ALDH1B1: variants seen among roughly 807,000 people sequenced by gnomAD.
The protein encoded by ALDH1B1 is aldehyde dehydrogenase 1 family member B1.
ALDH1B1 carries 19 observed loss-of-function variants against 26.2 expected under a neutral mutation model. That is an observed-to-expected ratio of 0.72 (90% CI 0.51 to 1.06). The LOEUF (loss-of-function observed/expected upper bound fraction) is 1.06. ALDH1B1 is among the 50% of genes least tolerant of loss of function. The pLI is 0.00. For synonymous variants in ALDH1B1, 249 were observed against 286.0 expected (o/e 0.87, Z 1.31); for missense variants, 671 against 683.1 (o/e 0.98, Z 0.20).
chr9:38,393,959 C>T (rs1488125720), intron 1 of ALDH1B1, among the ~76,000 whole-genome samples: 4 of 152,176 alleles, frequency 2.6e-5, no homozygotes, highest in African/African-American at 9.7e-5. Context: ...ATTACAGACA[C>T]CCTTTCCCCT....
rs778675464 is a variant in ALDH1B1 at position 38,396,718 on chromosome 9, C to T, written c.970C>T (p.Arg324Trp). Reference protein sequence around the residue: ...NMGQCCCAGSRTFVEESIYNE... With the variant: ...NMGQCCCAGSWTFVEESIYNE... ...GGGCCAGTGCTGCTGTGCTGGCTCC[C>T]GGACCTTCGTGGAAGAATCCATCTA... The change falls in exon 2 of 2, where the codon CGG becomes TGG. Residue 324 changes from arginine (R) to tryptophan (W), a missense_variant. Physicochemically the swap from Arg to Trp is moderately radical, Grantham distance 101 (BLOSUM62 -3). Transcript: ENST00000377698. 3.5e-5 allele frequency: 56 copies of T among 1,614,054 alleles called. No individual in the cohort carries two copies. The South Asian group carries it at 3.6e-4, about 10-fold the overall frequency.
Position 38,396,776 on chromosome 9 carries a change from C to T in ALDH1B1, c.1028C>T (p.Ala343Val). 1 of 1,614,182 alleles carries T rather than the reference C, an allele frequency of 6.2e-7. No individual in the cohort carries two copies. The highest frequency in any genetic ancestry group is 1.6e-4 in the Middle Eastern group (1 of 6,062). The change falls in exon 2 of 2, where the codon GCA becomes GTA. Residue 343 changes from alanine to valine, a missense_variant. By Grantham distance (64) the Ala-to-Val change is moderately conservative. Transcript: ENST00000377698. Reference sequence around the variant, plus strand: ...TTTCTCGAGAGAACCGTGGAGAAAGCAAAGCAGAGGAAAGTGGGGAACCCC... The same window carrying T: ...TTTCTCGAGAGAACCGTGGAGAAAGTAAAGCAGAGGAAAGTGGGGAACCCC... Reference protein sequence around the residue: ...NEFLERTVEKAKQRKVGNPFE... With the variant: ...NEFLERTVEKVKQRKVGNPFE...
rs759608147 is a variant in ALDH1B1 at position 38,396,425 on chromosome 9, A to G, written c.677A>G (p.Lys226Arg). 6.2e-7 allele frequency: 1 copy of G among 1,614,136 alleles called. No homozygotes were observed. Among genetic ancestry groups the G allele is most frequent in the East Asian group, 2.2e-5 (1 of 44,874 alleles). The change falls in exon 2 of 2, where the codon AAG (lysine) becomes AGG (arginine). Residue 226 changes from lysine to arginine, a missense_variant. Physicochemically the swap from Lys to Arg is conservative, Grantham distance 26 (BLOSUM62 2). Coordinates refer to ENST00000377698, the MANE Select transcript of ALDH1B1 (RefSeq NM_000692.5). ...LSALYLASLI[K>R]EAGFPPGVVN... ...GCCCTGTATTTGGCCTCCCTCATCAAGGAGGCAGGCTTTCCCCCTGGGGTG... is the reference window on the plus strand; with the variant it reads ...GCCCTGTATTTGGCCTCCCTCATCAGGGAGGCAGGCTTTCCCCCTGGGGTG...
rs150776963 is a variant in ALDH1B1 at position 38,396,531 on chromosome 9, C to T, written c.783C>T (p.Thr261=). The T allele has an allele frequency of 2.6e-4, 418 of 1,613,858 alleles. 2 individuals are homozygous for T. The African/African-American group carries it at 4.1e-3, about 16-fold the overall frequency. The change falls in exon 2 of 2, where the codon ACC becomes ACT. Residue 261 remains threonine (T), a synonymous_variant. Transcript: ENST00000377698. The stretch of plus-strand genomic sequence containing the variant: ...TGGATGTTGACAAAGTTGCCTTCAC[C>T]GGTTCCACCGAGGTGGGCCACCTGA... ...QHVDVDKVAF[T]GSTEVGHLIQ...
In ALDH1B1 at chr9:38,396,131, G is replaced by A; in HGVS notation, c.383G>A (p.Gly128Glu). Reference protein sequence around the residue: ...YLASLETLDNGKPFQESYALD... With the variant: ...YLASLETLDNEKPFQESYALD... The stretch of plus-strand genomic sequence containing the variant: ...GCCTCACTCGAGACCTTGGACAATG[G>A]GAAGCCTTTCCAAGAGTCTTACGCC... The change falls in exon 2 of 2, where the codon GGG (glycine) becomes GAG (glutamate). Residue 128 changes from glycine (G) to glutamate (E), a missense_variant. Gly to Glu is a moderately conservative substitution (Grantham distance 98). Transcript: ENST00000377698. The A allele has an allele frequency of 1.9e-6, 3 of 1,614,228 alleles. No homozygotes were observed. Among genetic ancestry groups the A allele is most frequent in the Middle Eastern group, 3.3e-4 (2 of 6,062 alleles).
chr9:38,395,812 G>A lies in ALDH1B1; in HGVS notation c.64G>A (p.Ala22Thr). The A allele has an allele frequency of 6.2e-7, 1 of 1,612,652 alleles. No homozygotes were observed. Among genetic ancestry groups the A allele is most frequent in the South Asian group, 1.1e-5 (1 of 91,044 alleles). Residue 22 changes from alanine (A) to threonine (T), a missense_variant, in exon 2 of 2, where the codon GCA becomes ACA. Physicochemically the swap from Ala to Thr is moderately conservative, Grantham distance 58 (BLOSUM62 0). Coordinates refer to ENST00000377698, the MANE Select transcript of ALDH1B1 (RefSeq NM_000692.5). ...GGGCAGGACCGCCCGCTACTCCTCGGCAGCAGCCCTCCCAAGCCCCATTCT... is the reference window on the plus strand; with the variant it reads ...GGGCAGGACCGCCCGCTACTCCTCGACAGCAGCCCTCCCAAGCCCCATTCT... ...LQGRTARYSS[A>T]AALPSPILNP...
At chr9:38,392,866 TG>T (rs1397222426) in intron 1 of ALDH1B1, 59 bp downstream of exon 1, 1 of 985,944 alleles carries the variant, frequency 1.0e-6, no homozygotes, top group African/African-American at 1.7e-5. Context: ...TGGCTCCGCG[TG>T]GGGGCTTTCC....
chr9:38,396,930 T>A lies in ALDH1B1; in HGVS notation c.1182T>A (p.Arg394=), dbSNP rs747383945. The A allele has an allele frequency of 1.2e-6, 2 of 1,614,066 alleles. No homozygotes were observed. Among genetic ancestry groups the A allele is most frequent in the Non-Finnish European group, 1.7e-6 (2 of 1,180,004 alleles). Residue 394 remains arginine (R), a synonymous_variant, in exon 2 of 2, where the codon CGT becomes CGA. Transcript: ENST00000377698. The part of the protein sequence containing the change: ...LLCGGERFGE[R]GFFIKPTVFG... The stretch of plus-strand genomic sequence containing the variant: ...GTGGCGGAGAGCGTTTCGGGGAGCG[T>A]GGTTTCTTCATCAAGCCTACTGTCT...
In ALDH1B1 at chr9:38,397,514, A is replaced by G. The variant is rs1298185049; in HGVS notation, c.*212A>G. 4.5e-6 allele frequency: 3 copies of G among 669,958 alleles called. No homozygotes were observed. In the East Asian group the frequency reaches 9.0e-5, roughly 20 times the overall value. The allele number at this position is 669,958 out of a possible 1,614,324, so 41.5% of individuals were successfully genotyped here. ...CAGAGTTCTACCTATCTAACCCCCA[A>G]CCACAGCCCCCTTGGTGGCCCATGA... On this transcript the variant is annotated 3_prime_UTR_variant, in exon 2 of 2. Transcript: ENST00000377698.
At chr9:38,394,312 C>T (rs548799151) in intron 1 of ALDH1B1, among the ~76,000 whole-genome samples, 28 of 152,028 alleles carry the variant, frequency 1.8e-4, no homozygotes, top group Admixed American at 1.2e-3. Context: ...TTTTTAGATA[C>T]AGTCTTGTTC....
At position 38,396,807 on chromosome 9, in the gene ALDH1B1, G is replaced by T. The variant is rs1442290916; in HGVS notation, c.1059G>T (p.Glu353Asp). ...AKQRKVGNPF[E>D]LDTQQGPQVD... is the part of the protein sequence containing the mutation. ...AGAGGAAAGTGGGGAACCCCTTTGA[G>T]CTGGACACCCAGCAGGGGCCTCAGG... Residue 353 changes from glutamate (E) to aspartate (D), a missense_variant, in exon 2 of 2, where the codon GAG becomes GAT. Coordinates refer to ENST00000377698, the MANE Select transcript of ALDH1B1 (RefSeq NM_000692.5). The T allele has an allele frequency of 1.4e-5, 23 of 1,614,104 alleles. No homozygotes were observed. The highest frequency in any genetic ancestry group is 1.9e-5 in the Non-Finnish European group (23 of 1,180,046).
In ALDH1B1 at chr9:38,396,114, C is replaced by T. The variant is rs767408661; in HGVS notation, c.366C>T (p.Leu122=). ...VERDRVYLAS[L]ETLDNGKPFQ... ...GGGATCGAGTCTACTTGGCCTCACTCGAGACCTTGGACAATGGGAAGCCTT... is the reference window on the plus strand; with the variant it reads ...GGGATCGAGTCTACTTGGCCTCACTTGAGACCTTGGACAATGGGAAGCCTT... Residue 122 remains leucine, a synonymous_variant, in exon 2 of 2, where the codon CTC becomes CTT. Transcript: ENST00000377698. 8.6e-5 allele frequency: 139 copies of T among 1,614,074 alleles called. 1 individual carries two copies. The South Asian group carries it at 1.2e-3, about 14-fold the overall frequency.
At position 38,397,043 on chromosome 9, in the gene ALDH1B1, A is replaced by G; in HGVS notation, c.1295A>G (p.Glu432Gly). 6.2e-7 allele frequency: 1 copy of G among 1,614,192 alleles called. No homozygotes were observed. Among genetic ancestry groups the G allele is most frequent in the Non-Finnish European group, 8.5e-7 (1 of 1,180,038 alleles). Residue 432 changes from glutamate (E) to glycine (G), a missense_variant, in exon 2 of 2, where the codon GAG becomes GGG. By Grantham distance (98) the Glu-to-Gly change is moderately conservative. Transcript: ENST00000377698. ...QPLFKFKKIE[E>G]VVERANNTRY... The stretch of plus-strand genomic sequence containing the variant: ...CTGTTCAAGTTCAAGAAGATTGAGG[A>G]GGTGGTTGAGAGGGCCAACAACACC...
At position 38,396,056 on chromosome 9, in the gene ALDH1B1, G is replaced by A. The variant is rs755939166; in HGVS notation, c.308G>A (p.Arg103Gln). ...WRRMDASERG[R>Q]LLNRLADLVE... is the part of the protein sequence containing the mutation. ...CGGATGGATGCCTCTGAGCGGGGCC[G>A]GCTGCTGAACCGCCTGGCAGACCTA... Residue 103 changes from arginine (R) to glutamine (Q), a missense_variant, in exon 2 of 2, where the codon CGG (arginine) becomes CAG (glutamine). Coordinates refer to ENST00000377698, the MANE Select transcript of ALDH1B1 (RefSeq NM_000692.5). The A allele has an allele frequency of 3.2e-5, 52 of 1,613,896 alleles. No homozygotes were observed. The highest frequency in any genetic ancestry group is 8.8e-5 in the South Asian group (8 of 91,084).
chr9:38,396,038 A>G lies in ALDH1B1; in HGVS notation c.290A>G (p.Asp97Gly). The G allele has an allele frequency of 3.1e-6, 5 of 1,613,880 alleles. No individual in the cohort carries two copies. The highest frequency in any genetic ancestry group is 4.2e-6 in the Non-Finnish European group (5 of 1,179,974). The change falls in exon 2 of 2, where the codon GAT (aspartate) becomes GGT (glycine). Residue 97 changes from aspartate to glycine, a missense_variant. Asp to Gly is a moderately conservative substitution (Grantham distance 94). Transcript: ENST00000377698. Reference sequence around the variant, plus strand: ...CTGGGGTCCCCATGGCGCCGGATGGATGCCTCTGAGCGGGGCCGGCTGCTG... The same window carrying G: ...CTGGGGTCCCCATGGCGCCGGATGGGTGCCTCTGAGCGGGGCCGGCTGCTG... The part of the protein sequence containing the change: ...FRLGSPWRRM[D>G]ASERGRLLNR...
chr9:38,393,322 C>G (rs2118247444), intron 1 of ALDH1B1, among the ~76,000 whole-genome samples: 1 of 152,330 alleles, frequency 6.6e-6, no homozygotes, highest in South Asian at 2.1e-4. Flanking sequence ...CTCTGATGCC[C>G]AGCCTTCTTC....
rs761845257 is a variant in ALDH1B1, at chr9:38,395,843, C to A, written c.95C>A (p.Pro32Gln). 52 of 1,613,290 alleles carry A rather than the reference C, an allele frequency of 3.2e-5. No individual in the cohort carries two copies. The East Asian group carries it at 1.2e-3, about 36-fold the overall frequency. ...GCCCTCCCAAGCCCCATTCTGAACC[C>A]AGACATCCCCTACAACCAGCTGTTC... is the stretch of plus-strand genomic sequence containing the variant. ...AAALPSPILN[P>Q]DIPYNQLFIN... is the part of the protein sequence containing the mutation. The change falls in exon 2 of 2, where the codon CCA (proline) becomes CAA (glutamine). Residue 32 changes from proline to glutamine, a missense_variant. By Grantham distance (76) the Pro-to-Gln change is moderately conservative. Transcript: ENST00000377698.
chr9:38,394,513 A>G, intron 1 of ALDH1B1: 1 of 850,804 alleles, frequency 1.2e-6, no homozygotes, highest in Non-Finnish European at 1.4e-6. Context: ...GCTGGTCTCA[A>G]ACTCCTGGCC....
chr9:38,394,757 G>A (rs1403983016), intron 1 of ALDH1B1, among the ~76,000 whole-genome samples: 1 of 152,230 alleles, frequency 6.6e-6, no homozygotes, highest in Non-Finnish European at 1.5e-5. Flanking sequence ...ATCAAAGGCA[G>A]AGAGATTCAA....
Sources: allele counts gnomAD v4.1 joint callset (sites outside exome capture counted in the v4.1 genomes callset), GRCh38; gene constraint gnomAD v4.1.1; transcripts MANE v1.5; gene names NCBI Gene and HGNC (gene_info 2026-07-23, HGNC 2026-07-21).